The following TRPS1 variants were observed in gnomAD, a reference collection of about 807,000 sequenced individuals.
TRPS1 encodes the protein transcriptional repressor GATA binding 1.
Under a neutral mutation model 101.2 loss-of-function variants are expected in TRPS1, and 6 were observed. The ratio of observed to expected loss-of-function variants is 0.06; its 90% CI spans 0.03 to 0.12. The LOEUF is 0.12. TRPS1 is among the 10% of genes least tolerant of loss of function. The probability of loss-of-function intolerance (pLI) is 1.00; values close to 1 mark genes in which losing one functional copy is unlikely to be tolerated. For synonymous variants in TRPS1, 578 were observed against 589.8 expected, an observed-to-expected ratio of 0.98 and a Z score of 0.29; for missense variants, 1,363 against 1,567.0, an observed-to-expected ratio of 0.87 and a Z score of 2.20.
At chr8:115,626,196 C>T (rs1818505467) in intron 1 of TRPS1, among the ~76,000 whole-genome samples, 1 of 151,084 alleles carries the variant, frequency 6.6e-6, no homozygotes, top group African/African-American at 2.4e-5. Context: ...AAGGTCAAAT[C>T]TTGGGCCTAG....
At chr8:115,462,484 T>C (rs1249329899) in intron 5 of TRPS1, among the ~76,000 whole-genome samples, 2 of 152,134 alleles carry the variant, frequency 1.3e-5, no homozygotes, top group Admixed American at 1.3e-4. Flanking sequence ...CATTGAATGG[T>C]GCAAATTAAG....
chr8:115,533,436 G>GTTTTTTTGTTTTTTTTTTTTT (rs1816188433), intron 5 of TRPS1, among the ~76,000 whole-genome samples: 5 of 34,986 alleles, frequency 1.4e-4, no homozygotes, highest in Admixed American at 4.5e-4. Context: ...CATGTAATCT[G>GTTTTTTTGTTTTTTTTTTTTT]TTTTTTTTTT....
chr8:115,579,874 C>A (rs540731841), intron 5 of TRPS1, among the ~76,000 whole-genome samples: 1 of 151,760 alleles, frequency 6.6e-6, no homozygotes, highest in South Asian at 2.1e-4. Context: ...CTGAGATGAA[C>A]AATGATGCCA....
chr8:115,605,205 T>C (rs907314681), intron 3 of TRPS1, among the ~76,000 whole-genome samples: 1 of 152,222 alleles, frequency 6.6e-6, no homozygotes, highest in African/African-American at 2.4e-5. Flanking sequence ...AGGCTCATTA[T>C]GTTATACACT....
chr8:115,410,409 T>C lies in TRPS1; in HGVS notation c.*3614A>G, dbSNP rs1004692189. Reference sequence around the variant, plus strand: ...ATATTACCTTAGAAAAGAATCCCCATGCTTGTTTTATAAAAATCTACCTTC... The same window carrying C: ...ATATTACCTTAGAAAAGAATCCCCACGCTTGTTTTATAAAAATCTACCTTC... On this transcript the variant is annotated 3_prime_UTR_variant, in exon 7 of 7. Coordinates refer to ENST00000395715, the MANE Select transcript of TRPS1 (RefSeq NM_014112.5). The C allele has an allele frequency of 3.3e-5, 5 of 152,448 alleles. No homozygotes were observed. Among genetic ancestry groups the C allele is most frequent in the Middle Eastern group, 3.2e-3 (1 of 316 alleles). 9.4% of individuals were successfully genotyped at this position (152,448 alleles called of 1,614,324 possible).
At chr8:115,637,936 T>C (rs1818807645) in intron 1 of TRPS1, among the ~76,000 whole-genome samples, 1 of 152,176 alleles carries the variant, frequency 6.6e-6, no homozygotes, top group Non-Finnish European at 1.5e-5. Flanking sequence ...AATTCTTAAG[T>C]TCTTATACCT....
At chr8:115,470,118 ACTTCT>A (rs1399774502) in intron 5 of TRPS1, among the ~76,000 whole-genome samples, 1 of 152,188 alleles carries the variant, frequency 6.6e-6, no homozygotes, top group African/African-American at 2.4e-5. Context: ...CTTCCTAAGC[ACTTCT>A]CTTTGATGCA....
chr8:115,455,880 G>A (rs1814009105), intron 5 of TRPS1, among the ~76,000 whole-genome samples: 1 of 150,104 alleles, frequency 6.7e-6, no homozygotes, highest in Non-Finnish European at 1.5e-5. Flanking sequence ...CACCTCCTGG[G>A]TTCACACCAT....
chr8:115,476,290 A>T (rs1370019725), intron 5 of TRPS1, among the ~76,000 whole-genome samples: 2 of 18,416 alleles, frequency 1.1e-4, no homozygotes, highest in Non-Finnish European at 1.5e-4. Context: ...AAGTGCTGGG[A>T]TTACAGGCGT....
chr8:115,602,353 C>T (rs538544049), intron 4 of TRPS1, among the ~76,000 whole-genome samples: 1 of 152,160 alleles, frequency 6.6e-6, no homozygotes, highest in African/African-American at 2.4e-5. Context: ...CACATATCCA[C>T]GCTAGTAAAG....
intron 5 of TRPS1, among the ~76,000 whole-genome samples, chr8:115,431,000 A>G (rs1813305859): frequency 6.6e-6 from 1 of 151,998 alleles, no homozygotes; most frequent in Non-Finnish European, 1.5e-5. Context: ...CCTTATAATT[A>G]TTTACTTTAG....
chr8:115,452,440 G>A (rs966537181), intron 5 of TRPS1, among the ~76,000 whole-genome samples: 2 of 152,086 alleles, frequency 1.3e-5, no homozygotes, highest in Non-Finnish European at 2.9e-5. Flanking sequence ...AATATATTAT[G>A]TATTATATAT....
chr8:115,668,943 T>C lies in TRPS1; in HGVS notation c.-520A>G, dbSNP rs1336093318. The stretch of plus-strand genomic sequence containing the variant: ...GATCGGGTCTTTATCAGAAATGTTA[T>C]CGCTTGTCAGGACCTCAGTCTCCGC... On this transcript the variant is annotated 5_prime_UTR_variant, in exon 1 of 7. Transcript: ENST00000395715. The C allele has an allele frequency of 6.6e-6, 1 of 151,910 alleles. No individual in the cohort carries two copies. The highest frequency in any genetic ancestry group is 2.4e-5 in the African/African-American group (1 of 41,370). The allele number at this position is 151,910 out of a possible 1,614,324, so 9.4% of individuals were successfully genotyped here. A position where few individuals can be genotyped will look rare whatever the true frequency, so the allele number is the denominator to read the frequency against.
rs148491726 is a variant in TRPS1, at chr8:115,638,610, A to G, written c.-121-14852T>C. 6.8e-3 allele frequency among the ~76,000 whole-genome samples: 1,041 copies of G among 152,308 alleles called. 12 individuals are homozygous for G. The highest frequency in any genetic ancestry group is 0.037 in the Middle Eastern group (11 of 294). ...AACTACCCCTTTGCCAAAGTTGGACAGGATACAGACAGAAATATACACACT... is the reference window on the plus strand; with the variant it reads ...AACTACCCCTTTGCCAAAGTTGGACGGGATACAGACAGAAATATACACACT... On this transcript the variant is annotated intron_variant, in intron 1 of 6. Transcript: ENST00000395715.
chr8:115,632,508 A>C (rs930385386), intron 1 of TRPS1, among the ~76,000 whole-genome samples: 1 of 152,064 alleles, frequency 6.6e-6, no homozygotes, highest in African/African-American at 2.4e-5. Context: ...ACACACACAC[A>C]CCAATTCTCA....
intron 5 of TRPS1, among the ~76,000 whole-genome samples, chr8:115,442,580 T>TGTGC (rs59012176): frequency 1.3e-5 from 2 of 149,098 alleles, no homozygotes; most frequent in African/African-American, 2.5e-5. Context: ...TGTGTGTGTG[T>TGTGC]ATGTGTGTGT....
At chr8:115,651,724 C>G (rs1218854057) in intron 1 of TRPS1, among the ~76,000 whole-genome samples, 2 of 152,106 alleles carry the variant, frequency 1.3e-5, no homozygotes, top group East Asian at 3.9e-4. Flanking sequence ...AAGAAGAATA[C>G]AGAAGTGAAC....
chr8:115,553,818 T>C (rs1341388741), intron 5 of TRPS1, among the ~76,000 whole-genome samples: 2 of 152,132 alleles, frequency 1.3e-5, no homozygotes, highest in South Asian at 4.1e-4. Flanking sequence ...TAGAAAGTGA[T>C]AGCTAAAATT....
intron 5 of TRPS1, among the ~76,000 whole-genome samples, chr8:115,433,298 A>AGGATTT (rs1813368490): frequency 6.6e-6 from 1 of 152,082 alleles, no homozygotes; most frequent in Admixed American, 6.6e-5. Flanking sequence ...AACATAAATC[A>AGGATTT]GGATTAAGAT....
Sources: gnomAD v4.1 joint callset for allele counts (sites outside exome capture counted in the v4.1 genomes callset) on GRCh38, gnomAD v4.1.1 for gene constraint, MANE v1.5 for transcripts, NCBI Gene and HGNC (gene_info 2026-07-23, HGNC 2026-07-21) for gene names.